The following ANTXR1 variants were observed in gnomAD, a reference collection of about 807,000 sequenced individuals.
ANTXR1 encodes ANTXR cell adhesion molecule 1, also known as anthrax toxin receptor 1.
A neutral mutation model predicts 78.1 loss-of-function variants in ANTXR1; 19 were observed. The observed-to-expected ratio is 0.24, with a 90% CI of 0.17 to 0.36. The LOEUF is 0.36. Ranked by LOEUF, ANTXR1 falls within the 10% of genes least tolerant of loss-of-function variation. The pLI, the probability that ANTXR1 is intolerant of heterozygous loss-of-function variation, is 1.00. For synonymous variants in ANTXR1, 273 were observed against 260.5 expected (o/e 1.05, Z -0.46); for missense variants, 518 against 718.6 (o/e 0.72, Z 3.19).
intron 17 of ANTXR1, among the ~76,000 whole-genome samples, chr2:69,211,236 A>G (rs1329223434): frequency 2.0e-5 from 3 of 152,208 alleles, no homozygotes; most frequent in Non-Finnish European, 4.4e-5. Flanking sequence ...CAGTGAAAAC[A>G]TTTTCTTGGC....
chr2:69,092,382 A>ATGTAAAGATATAAAGT (rs1558536907), intron 9 of ANTXR1, among the ~76,000 whole-genome samples: 1 of 152,248 alleles, frequency 6.6e-6, no homozygotes, highest in Non-Finnish European at 1.5e-5. Context: ...TCAAGTATAT[A>ATGTAAAGATATAAAGT]TGTAAAGATA....
intron 17 of ANTXR1, among the ~76,000 whole-genome samples, chr2:69,216,265 G>A (rs1386447480): frequency 2.0e-5 from 3 of 152,120 alleles, no homozygotes; most frequent in African/African-American, 7.2e-5. Context: ...TTCTTTCAAT[G>A]AAATCTTACC....
chr2:69,243,114 C>CCTAA (rs1675930624), intron 17 of ANTXR1, among the ~76,000 whole-genome samples: 1 of 152,246 alleles, frequency 6.6e-6, no homozygotes, highest in Non-Finnish European at 1.5e-5. Flanking sequence ...AAACCAATTG[C>CCTAA]AGTCCCATCA....
chr2:69,241,422 G>A (rs1406441156), intron 17 of ANTXR1, among the ~76,000 whole-genome samples: 1 of 152,188 alleles, frequency 6.6e-6, no homozygotes, highest in East Asian at 1.9e-4. Context: ...CTCTTACAAA[G>A]ACTGTGGGTC....
chr2:69,204,890 C>T (rs1195516132), intron 17 of ANTXR1, among the ~76,000 whole-genome samples: 1 of 152,218 alleles, frequency 6.6e-6, no homozygotes, highest in East Asian at 1.9e-4. Flanking sequence ...CAGATCACCT[C>T]ATGCTCTCCC....
chr2:69,035,774 T>C (rs1399929390), intron 1 of ANTXR1, among the ~76,000 whole-genome samples: 1 of 152,218 alleles, frequency 6.6e-6, no homozygotes, highest in African/African-American at 2.4e-5. Flanking sequence ...CCTCCAGTTT[T>C]GTTTTAAAGC....
chr2:69,180,844 A>G (rs1489472998), intron 14 of ANTXR1, among the ~76,000 whole-genome samples: 1 of 152,242 alleles, frequency 6.6e-6, no homozygotes, highest in Non-Finnish European at 1.5e-5. Context: ...GCTACTTTAG[A>G]AGAAATTTCC....
chr2:69,090,861 T>A lies in ANTXR1; in HGVS notation c.645T>A (p.Ile215=). ...TCTTTTATTTCCGCTCCTCCTAGAT[T>A]TTGAAGAAGTCCTGCATCGAAATTC... is the stretch of plus-strand genomic sequence containing the variant. ...FQALQGIIHS[I]LKKSCIEILA... The change falls in exon 9 of 18, where the codon ATT becomes ATA. Residue 215 remains isoleucine (I), a splice_region_variant and synonymous_variant. Coordinates refer to ENST00000303714, the MANE Select transcript of ANTXR1 (RefSeq NM_032208.3). 1 of 1,613,176 alleles carries A rather than the reference T, an allele frequency of 6.2e-7. No individual in the cohort carries two copies. The highest frequency in any genetic ancestry group is 8.5e-7 in the Non-Finnish European group (1 of 1,179,992).
intron 1 of ANTXR1, among the ~76,000 whole-genome samples, chr2:69,015,759 C>T (rs987219984): frequency 2.6e-5 from 4 of 152,036 alleles, no homozygotes; most frequent in Non-Finnish European, 5.9e-5. Flanking sequence ...AAATTTTACA[C>T]TTCTATAAAT....
In ANTXR1 at chr2:69,181,513, C is replaced by T. The variant is rs1368881167; in HGVS notation, c.1090-273C>T. ...CATGTAGGTGGGGTTAGATGCGATT[C>T]CCACAAAGGAGTAGAGCTGTAGAAG... is the stretch of plus-strand genomic sequence containing the variant. On this transcript the variant is annotated intron_variant, in intron 14 of 17. Coordinates refer to ENST00000303714, the MANE Select transcript of ANTXR1 (RefSeq NM_032208.3). Among the ~76,000 whole-genome samples, 8 of 152,268 alleles carry T rather than the reference C, an allele frequency of 5.3e-5. No homozygotes were observed. In the East Asian group the frequency reaches 1.5e-3, roughly 29 times the overall value.
intron 16 of ANTXR1, among the ~76,000 whole-genome samples, chr2:69,187,879 G>A (rs185003003): frequency 2.2e-4 from 33 of 151,754 alleles, no homozygotes; most frequent in South Asian, 4.2e-4. Context: ...ATAAGCCACC[G>A]CACCTGGCCT....
chr2:69,161,292 C>T (rs1376278302), intron 13 of ANTXR1, among the ~76,000 whole-genome samples: 1 of 152,196 alleles, frequency 6.6e-6, no homozygotes, highest in Non-Finnish European at 1.5e-5. Flanking sequence ...CCTGCTGCAA[C>T]TCTCACTTTA....
At chr2:69,144,919 G>A (rs373350511) in intron 12 of ANTXR1, among the ~76,000 whole-genome samples, 6 of 152,282 alleles carry the variant, frequency 3.9e-5, no homozygotes, top group East Asian at 1.9e-4. Flanking sequence ...GTAGTTACTC[G>A]GACCTATCCT....
chr2:69,222,342 T>C (rs1284946075), intron 17 of ANTXR1, among the ~76,000 whole-genome samples: 1 of 151,852 alleles, frequency 6.6e-6, no homozygotes, highest in East Asian at 1.9e-4. Context: ...CCTTTAAAAG[T>C]GAAAAACATT....
chr2:69,184,424 C>T (rs1217435133), intron 16 of ANTXR1, among the ~76,000 whole-genome samples: 1 of 152,186 alleles, frequency 6.6e-6, no homozygotes, highest in Non-Finnish European at 1.5e-5. Context: ...TAATGAAGAA[C>T]ATGCAGTGGC....
At chr2:69,178,243 T>C (rs548267304) in intron 14 of ANTXR1, among the ~76,000 whole-genome samples, 1 of 152,306 alleles carries the variant, frequency 6.6e-6, no homozygotes, top group East Asian at 1.9e-4. Flanking sequence ...TTCCTGGGGA[T>C]TGCAAAACCC....
intron 12 of ANTXR1, among the ~76,000 whole-genome samples, chr2:69,132,092 C>CT (rs1409518854): frequency 6.6e-6 from 1 of 152,194 alleles, no homozygotes; most frequent in East Asian, 1.9e-4. Context: ...ACCATAGAGA[C>CT]TGATAGACTC....
chr2:69,115,127 T>C (rs575830622), intron 10 of ANTXR1, among the ~76,000 whole-genome samples: 2 of 152,354 alleles, frequency 1.3e-5, no homozygotes, highest in South Asian at 2.1e-4. Flanking sequence ...ACCCACTAGA[T>C]GCCAATAGCA....
chr2:69,188,856 T>C (rs1272268203), intron 16 of ANTXR1, among the ~76,000 whole-genome samples: 1 of 152,242 alleles, frequency 6.6e-6, no homozygotes, highest in Non-Finnish European at 1.5e-5. Context: ...AAGACTCTTC[T>C]ATGGCACATC....
Sources: gnomAD v4.1 joint callset for allele counts (sites outside exome capture counted in the v4.1 genomes callset) on GRCh38, gnomAD v4.1.1 for gene constraint, MANE v1.5 for transcripts, NCBI Gene and HGNC (gene_info 2026-07-23, HGNC 2026-07-21) for gene names.